CTCF: variants seen among roughly 807,000 people sequenced by gnomAD.
The protein encoded by CTCF is CCCTC-binding factor.
Under a neutral mutation model 72.3 loss-of-function variants are expected in CTCF, and 7 were observed. The observed-to-expected ratio is 0.10, with a 90% CI of 0.06 to 0.18. The LOEUF (loss-of-function observed/expected upper bound fraction) is 0.18, where lower values mean the gene tolerates loss of function less well. CTCF is among the 10% of genes least tolerant of loss of function. CTCF has a pLI of 1.00. For synonymous variants in CTCF, 374 were observed against 315.8 expected (o/e 1.18, Z -1.95); for missense variants, 516 against 949.1 (o/e 0.54, Z 6.00).
intron 2 of CTCF, among the ~76,000 whole-genome samples, chr16:67,575,531 G>C (rs1041363110): frequency 1.3e-5 from 2 of 151,994 alleles, no homozygotes; most frequent in Admixed American, 6.6e-5. Context: ...TGCAGCCTCT[G>C]CTTCCCGGGT....
Position 67,629,344 on chromosome 16 carries a change from A to G in CTCF, c.1702-54A>G, listed in dbSNP as rs139913127. 2.6e-3 allele frequency: 3,920 copies of G among 1,535,004 alleles called. 13 individuals are homozygous for G. Among genetic ancestry groups the G allele is most frequent in the Non-Finnish European group, 3.2e-3 (3,662 of 1,134,364 alleles). ...ATTTTATTAAAGTAAATAACTTCCAATCTGATCTTAGCTTTTTTAGTGGTG... is the reference window on the plus strand; with the variant it reads ...ATTTTATTAAAGTAAATAACTTCCAGTCTGATCTTAGCTTTTTTAGTGGTG... On this transcript the variant is annotated intron_variant, in intron 9 of 11. Coordinates refer to ENST00000264010, the MANE Select transcript of CTCF (RefSeq NM_006565.4).
chr16:67,577,290 G>A (rs1161933070), intron 2 of CTCF, among the ~76,000 whole-genome samples: 2 of 149,470 alleles, frequency 1.3e-5, no homozygotes, highest in Non-Finnish European at 3.0e-5. Flanking sequence ...GGTGGCGGGC[G>A]CCTGTAGTCC....
At chr16:67,571,909 A>G (rs1045295091) in intron 2 of CTCF, among the ~76,000 whole-genome samples, 6 of 152,332 alleles carry the variant, frequency 3.9e-5, no homozygotes, top group East Asian at 1.9e-4. Context: ...ATTGGAATCT[A>G]CTATGCTTTG....
In CTCF at chr16:67,562,641, A is replaced by T. The variant is rs569375245; in HGVS notation, c.-210A>T. The T allele has an allele frequency of 1.0e-3, 155 of 152,688 alleles. No homozygotes were observed. The highest frequency in any genetic ancestry group is 3.7e-3 in the African/African-American group (152 of 41,226). 9.5% of individuals were successfully genotyped at this position (152,688 alleles called of 1,614,324 possible). A position where few individuals can be genotyped will look rare whatever the true frequency, so the allele number is the denominator to read the frequency against. ...GCGGCGGCGGCGGTGGCCGGTGCGG[A>T]CGCGCGGAGCTCGCCGGAGACGCCG... On this transcript the variant is annotated 5_prime_UTR_variant, in exon 1 of 12. Coordinates refer to ENST00000264010, the MANE Select transcript of CTCF (RefSeq NM_006565.4).
intron 10 of CTCF, among the ~76,000 whole-genome samples, chr16:67,634,265 T>C (rs1014083663): frequency 6.6e-6 from 1 of 152,098 alleles, no homozygotes. Context: ...TGGAGTGTAG[T>C]GGAGTGATCT....
chr16:67,582,566 G>A (rs1350215718), intron 2 of CTCF, among the ~76,000 whole-genome samples: 1 of 151,924 alleles, frequency 6.6e-6, no homozygotes, highest in Non-Finnish European at 1.5e-5. Flanking sequence ...GGTGGTGGGT[G>A]CCTGTAATCC....
intron 2 of CTCF, among the ~76,000 whole-genome samples, chr16:67,580,057 G>A (rs531933382): frequency 6.8e-4 from 104 of 152,250 alleles, no homozygotes; most frequent in Admixed American, 1.2e-3. Flanking sequence ...ATCCGTGGCC[G>A]CTGTGTGAAA....
chr16:67,566,347 C>T (rs982329152), intron 1 of CTCF, among the ~76,000 whole-genome samples: 5 of 151,056 alleles, frequency 3.3e-5, no homozygotes, highest in African/African-American at 9.7e-5. Context: ...TTACCAAAAA[C>T]ACAAAAATTA....
Position 67,571,141 on chromosome 16 carries a change from C to G in CTCF, c.-126-7C>G. The G allele has an allele frequency of 6.6e-6, 1 of 152,200 alleles. No individual in the cohort carries two copies. Among genetic ancestry groups the G allele is most frequent in the East Asian group, 1.9e-4 (1 of 5,186 alleles). 9.4% of individuals were successfully genotyped at this position (152,200 alleles called of 1,614,324 possible). ...GTTTCATAAAATGATTTGTGCTTTT[C>G]TTTTAGAATGATTACGGACCTGAAG... On this transcript the variant is annotated splice_region_variant and splice_polypyrimidine_tract_variant and intron_variant, in intron 1 of 11. Coordinates refer to ENST00000264010, the MANE Select transcript of CTCF (RefSeq NM_006565.4).
At chr16:67,595,308 C>T (rs2051796859) in intron 2 of CTCF, among the ~76,000 whole-genome samples, 1 of 151,776 alleles carries the variant, frequency 6.6e-6, no homozygotes. Flanking sequence ...TAGGTACAAA[C>T]CACCATGTCT....
intron 5 of CTCF, among the ~76,000 whole-genome samples, chr16:67,620,060 A>G (rs1442987472): frequency 6.6e-6 from 1 of 152,232 alleles, no homozygotes; most frequent in East Asian, 1.9e-4. Flanking sequence ...ATATGTACTC[A>G]GTAACACAGG....
chr16:67,563,020 TTTCC>T (rs890973477), intron 1 of CTCF, among the ~76,000 whole-genome samples: 4 of 148,948 alleles, frequency 2.7e-5, no homozygotes, highest in African/African-American at 9.9e-5. Context: ...GCGACTCCAT[TTTCC>T]TTCCTTTGTC....
chr16:67,586,749 T>C (rs993655443), intron 2 of CTCF, among the ~76,000 whole-genome samples: 5 of 152,170 alleles, frequency 3.3e-5, no homozygotes, highest in Non-Finnish European at 7.3e-5. Flanking sequence ...AGCTATTCAG[T>C]AATGCTTTAT....
intron 2 of CTCF, among the ~76,000 whole-genome samples, chr16:67,591,921 C>T (rs963879003): frequency 3.3e-5 from 5 of 151,934 alleles, no homozygotes; most frequent in African/African-American, 9.7e-5. Flanking sequence ...CTATGTTGCT[C>T]AGGCTGGTCT....
At chr16:67,634,697 T>A (rs2052407304) in intron 10 of CTCF, among the ~76,000 whole-genome samples, 1 of 151,436 alleles carries the variant, frequency 6.6e-6, no homozygotes, top group African/African-American at 2.4e-5. Context: ...TCTTCCTTTT[T>A]TTTTTTTTCT....
chr16:67,580,743 T>A (rs2051567687), intron 2 of CTCF, among the ~76,000 whole-genome samples: 1 of 147,896 alleles, frequency 6.8e-6, no homozygotes, highest in African/African-American at 2.5e-5. Context: ...GTACTTTTAG[T>A]AGAGGCACCT....
At chr16:67,570,207 G>C (rs1215971409) in intron 1 of CTCF, among the ~76,000 whole-genome samples, 1 of 149,644 alleles carries the variant, frequency 6.7e-6, no homozygotes, top group East Asian at 2.0e-4. Flanking sequence ...CTCCTGAGTA[G>C]CTGGGACTAC....
intron 9 of CTCF, 121 bp from the exon 10 acceptor site, chr16:67,629,277 G>A (rs2052331503): frequency 3.3e-6 from 3 of 904,490 alleles, no homozygotes; most frequent in Non-Finnish European, 5.0e-6. Flanking sequence ...AGCGTGTTCA[G>A]GACACACTTA....
Position 67,602,710 on chromosome 16 carries a change from G to A in CTCF, c.-9-8114G>A, listed in dbSNP as rs761295351. ...TATAAAATTAGCCAGGTGTGGTGGC[G>A]CATGCCTGTAATCCCAGCTACTCGG... On this transcript the variant is annotated intron_variant, in intron 2 of 11. Coordinates refer to ENST00000264010, the MANE Select transcript of CTCF (RefSeq NM_006565.4). 6.3e-4 allele frequency among the ~76,000 whole-genome samples: 96 copies of A among 151,830 alleles called. 1 individual carries two copies. The highest frequency in any genetic ancestry group is 3.4e-3 in the Middle Eastern group (1 of 294).
Sources: allele counts gnomAD v4.1 joint callset (sites outside exome capture counted in the v4.1 genomes callset), GRCh38; gene constraint gnomAD v4.1.1; transcripts MANE v1.5; gene names NCBI Gene and HGNC (gene_info 2026-07-23, HGNC 2026-07-21).